The following LAMC1 variants were observed in gnomAD, a reference collection of about 807,000 sequenced individuals.
LAMC1 encodes the protein laminin subunit gamma-1.
In LAMC1, 38 loss-of-function variants were observed where a neutral mutation model predicts 173.6. The observed-to-expected ratio is 0.22, with a 90% CI of 0.17 to 0.29. The LOEUF (loss-of-function observed/expected upper bound fraction) is 0.29, where lower values mean the gene tolerates loss of function less well. LAMC1 is among the 10% of genes least tolerant of loss of function. The pLI is 1.00. For synonymous variants in LAMC1, 746 were observed against 749.1 expected (o/e 1.00, Z 0.07); for missense variants, 1,824 against 2,051.8 (o/e 0.89, Z 2.14).
Position 183,023,968 on chromosome 1 carries a change from G to T in LAMC1, c.252G>T (p.Gly84=). The change falls in exon 1 of 28, where the codon GGG becomes GGT. Residue 84 remains glycine (G), a synonymous_variant. Coordinates refer to ENST00000258341, the MANE Select transcript of LAMC1 (RefSeq NM_002293.4). ...EEYCVQTGVT[G]VTKSCHLCDA... ...ACTGTGTGCAGACCGGGGTGACCGG[G>T]GTCACCAAGTCCTGTCACCTGTGCG... 6.2e-7 allele frequency: 1 copy of T among 1,613,294 alleles called. No individual in the cohort carries two copies. The highest frequency in any genetic ancestry group is 1.1e-5 in the South Asian group (1 of 91,068).
intron 2 of LAMC1, among the ~76,000 whole-genome samples, chr1:183,105,701 A>T (rs1263928726): frequency 2.6e-5 from 4 of 151,966 alleles, no homozygotes; most frequent in African/African-American, 9.7e-5. Flanking sequence ...CAGTAACATG[A>T]GTTACGTGTC....
intron 1 of LAMC1, among the ~76,000 whole-genome samples, chr1:183,084,297 C>G (rs572096250): frequency 2.0e-5 from 3 of 151,484 alleles, no homozygotes; most frequent in Non-Finnish European, 4.4e-5. Context: ...GAGCCAAGAT[C>G]GCGCCGCCGC....
At chr1:183,075,151 G>T (rs1655094069) in intron 1 of LAMC1, among the ~76,000 whole-genome samples, 1 of 150,534 alleles carries the variant, frequency 6.6e-6, no homozygotes, top group African/African-American at 2.4e-5. Flanking sequence ...TCGAGACAGG[G>T]TGTTACTCCT....
At position 183,117,773 on chromosome 1, in the gene LAMC1, G is replaced by A. The variant is rs757954188; in HGVS notation, c.1877+50G>A. 4.6e-6 allele frequency: 7 copies of A among 1,511,098 alleles called. No homozygotes were observed. In the Admixed American group the frequency reaches 1.1e-4, roughly 23 times the overall value. 93.6% of individuals were successfully genotyped at this position (1,511,098 alleles called of 1,614,324 possible). ...GAGACTTGACGAACATTGTGAAAGT[G>A]GTGTCTTTATTTAAGTTTAACTGGC... On this transcript the variant is annotated intron_variant, in intron 10 of 27. Coordinates refer to ENST00000258341, the MANE Select transcript of LAMC1 (RefSeq NM_002293.4).
At chr1:183,110,774 G>A in intron 4 of LAMC1, 120 bp downstream of exon 4, 1 of 1,046,936 alleles carries the variant, frequency 9.6e-7, no homozygotes, top group Non-Finnish European at 1.4e-6. Flanking sequence ...CCAGCTTTTT[G>A]TGTAATTTGA....
chr1:183,039,326 T>C (rs1253077950), intron 1 of LAMC1, among the ~76,000 whole-genome samples: 2 of 152,162 alleles, frequency 1.3e-5, no homozygotes, highest in African/African-American at 4.8e-5. Context: ...GCTTTGGTCA[T>C]GTGATTGCCC....
At position 183,077,776 on chromosome 1, in the gene LAMC1, G is replaced by GTGTGTGTGTATA; in HGVS notation, c.419-25551_419-25550insGTGTGTGTATAT. 3.1e-3 allele frequency among the ~76,000 whole-genome samples: 359 copies of GTGTGTGTGTATA among 116,422 alleles called. 18 individuals carry two copies. The highest frequency in any genetic ancestry group is 4.6e-3 in the Middle Eastern group (1 of 218). The allele number at this position is 116,422 out of a possible 152,430, so 76.4% of individuals were successfully genotyped here. A position where few individuals can be genotyped will look rare whatever the true frequency, so the allele number is the denominator to read the frequency against. On this transcript the variant is annotated intron_variant, in intron 1 of 27. Coordinates refer to ENST00000258341, the MANE Select transcript of LAMC1 (RefSeq NM_002293.4). ...TGAATAGTATTTTTATGGCCATTGT[G>GTGTGTGTGTATA]TATATATATATATATATATACAGTA...
At chr1:183,103,846 T>C (rs938482515) in intron 2 of LAMC1, among the ~76,000 whole-genome samples, 5 of 152,218 alleles carry the variant, frequency 3.3e-5, no homozygotes, top group African/African-American at 1.2e-4. Context: ...TGATGTTTGT[T>C]CTTATGCACT....
chr1:183,068,452 A>G (rs370169237), intron 1 of LAMC1, among the ~76,000 whole-genome samples: 7 of 152,214 alleles, frequency 4.6e-5, no homozygotes, highest in African/African-American at 1.2e-4. Context: ...AGGGATATTA[A>G]TGTTCTTCAA....
intron 8 of LAMC1, among the ~76,000 whole-genome samples, 164 bp from the exon 9 acceptor site, chr1:183,117,156 T>C (rs1656345687): frequency 6.6e-6 from 1 of 152,228 alleles, no homozygotes; most frequent in South Asian, 2.1e-4. Context: ...GTTTGAGTGG[T>C]ATAGCATATA....
chr1:183,025,272 G>A (rs1357588288), intron 1 of LAMC1, among the ~76,000 whole-genome samples: 2 of 152,144 alleles, frequency 1.3e-5, no homozygotes, highest in Non-Finnish European at 2.9e-5. Flanking sequence ...TCATGATTTT[G>A]CTGCTCTCCG....
chr1:183,042,967 A>G (rs892500742), intron 1 of LAMC1, among the ~76,000 whole-genome samples: 2 of 152,196 alleles, frequency 1.3e-5, no homozygotes, highest in African/African-American at 2.4e-5. Flanking sequence ...TGACAGACCA[A>G]TCAGAGCTGT....
At chr1:183,104,646 C>G (rs564714485) in intron 2 of LAMC1, among the ~76,000 whole-genome samples, 1 of 152,048 alleles carries the variant, frequency 6.6e-6, no homozygotes, top group Admixed American at 6.6e-5. Context: ...TCTTTCTCAC[C>G]GTTATTATGT....
At chr1:183,065,228 G>A (rs562239786) in intron 1 of LAMC1, among the ~76,000 whole-genome samples, 3 of 152,226 alleles carry the variant, frequency 2.0e-5, no homozygotes, top group African/African-American at 4.8e-5. Flanking sequence ...TATGTGGTTC[G>A]TCTTTGACTG....
At chr1:183,113,627 C>G (rs7524224) in intron 4 of LAMC1, among the ~76,000 whole-genome samples, 428 of 152,278 alleles carry the variant, frequency 2.8e-3, no homozygotes, top group African/African-American at 0.01. Context: ...GGAGTTGAGG[C>G]TTCCCTGTAC....
chr1:183,124,498 G>C, intron 13 of LAMC1, 133 bp from the exon 14 acceptor site: 1 of 1,088,554 alleles, frequency 9.2e-7, no homozygotes, highest in Non-Finnish European at 1.3e-6. Flanking sequence ...CTGCAGCCCA[G>C]GTCCTCTGCC....
chr1:183,049,835 A>T (rs1373952678), intron 1 of LAMC1, among the ~76,000 whole-genome samples: 1 of 152,192 alleles, frequency 6.6e-6, no homozygotes, highest in Non-Finnish European at 1.5e-5. Flanking sequence ...CAAAAAAAAA[A>T]AATCATTCTG....
chr1:183,127,509 T>A, intron 17 of LAMC1, 105 bp downstream of exon 17: 3 of 941,722 alleles, frequency 3.2e-6, no homozygotes, highest in Non-Finnish European at 4.8e-6. Flanking sequence ...GTAGATGTGG[T>A]CCCTGTTCTT....
At chr1:183,093,274 C>T (rs370925979) in intron 1 of LAMC1, among the ~76,000 whole-genome samples, 1 of 152,224 alleles carries the variant, frequency 6.6e-6, no homozygotes, top group African/African-American at 2.4e-5. Flanking sequence ...TTCAAGGTCA[C>T]ACCTCCAGGT....
Sources: gnomAD v4.1 joint callset for allele counts (sites outside exome capture counted in the v4.1 genomes callset) on GRCh38, gnomAD v4.1.1 for gene constraint, MANE v1.5 for transcripts, NCBI Gene and HGNC (gene_info 2026-07-23, HGNC 2026-07-21) for gene names.